TNRC6A: variants seen among roughly 807,000 people sequenced by gnomAD.
The protein encoded by TNRC6A is trinucleotide repeat-containing gene 6A protein.
In TNRC6A, 44 loss-of-function variants were observed where a neutral mutation model predicts 221.2. The ratio of observed to expected loss-of-function variants is 0.20; its 90% CI spans 0.16 to 0.26. The LOEUF is 0.26. Ranked by LOEUF, TNRC6A falls within the 10% of genes least tolerant of loss-of-function variation. The pLI is 1.00. For synonymous variants in TNRC6A, 847 were observed against 838.5 expected (o/e 1.01, Z -0.18); for missense variants, 2,199 against 2,404.4 (o/e 0.91, Z 1.79).
chr16:24,716,648 A>G (rs1319073432), intron 2 of TNRC6A, among the ~76,000 whole-genome samples: 1 of 152,032 alleles, frequency 6.6e-6, no homozygotes, highest in African/African-American at 2.4e-5. Context: ...TTGGGTGACA[A>G]AGTGAGACCG....
At chr16:24,758,047 G>T (rs2057288416) in intron 3 of TNRC6A, among the ~76,000 whole-genome samples, 1 of 152,122 alleles carries the variant, frequency 6.6e-6, no homozygotes, top group Non-Finnish European at 1.5e-5. Flanking sequence ...GAAAAGTGCA[G>T]CTCCCATTTA....
At chr16:24,778,159 G>A (rs2057765515) in intron 5 of TNRC6A, among the ~76,000 whole-genome samples, 1 of 152,176 alleles carries the variant, frequency 6.6e-6, no homozygotes, top group South Asian at 2.1e-4. Flanking sequence ...AGATAGACTA[G>A]GGCCTTACAT....
chr16:24,701,001 C>G (rs2055962803), intron 2 of TNRC6A, among the ~76,000 whole-genome samples: 1 of 152,206 alleles, frequency 6.6e-6, no homozygotes. Context: ...CTGAATTAAT[C>G]AAAGTATAAG....
chr16:24,684,976 C>T (rs750237750), intron 2 of TNRC6A, among the ~76,000 whole-genome samples: 13 of 152,160 alleles, frequency 8.5e-5, no homozygotes, highest in African/African-American at 2.9e-4. Flanking sequence ...CTGGTCCCTA[C>T]GGAATCCAGC....
At chr16:24,795,661 A>AT in intron 8 of TNRC6A, 1 of 400,442 alleles carries the variant, frequency 2.5e-6, no homozygotes, top group Non-Finnish European at 4.4e-6. Context: ...ATTTGGCTGA[A>AT]TTTGCCTATT....
At chr16:24,747,630 T>C (rs182732605) in intron 2 of TNRC6A, among the ~76,000 whole-genome samples, 1 of 150,522 alleles carries the variant, frequency 6.6e-6, no homozygotes, top group East Asian at 1.9e-4. Context: ...TGGGCACAGG[T>C]GTTGTTGTTG....
chr16:24,814,693 A>G (rs1040056670), intron 18 of TNRC6A, among the ~76,000 whole-genome samples: 2 of 152,112 alleles, frequency 1.3e-5, no homozygotes, highest in African/African-American at 4.8e-5. Context: ...GATTACAGGC[A>G]TGAGCCACCA....
upstream of TNRC6A, among the ~76,000 whole-genome samples, chr16:24,727,007 A>C (rs554978414): frequency 1.4e-4 from 21 of 150,850 alleles, no homozygotes; most frequent in South Asian, 3.8e-3. Context: ...CTGTCAACAA[A>C]CCTTCTGGAA....
intron 1 of TNRC6A, among the ~76,000 whole-genome samples, chr16:24,624,523 G>A (rs60562273): frequency 2.0e-5 from 3 of 152,276 alleles, no homozygotes; most frequent in South Asian, 2.1e-4. Context: ...CTGTTGCCCA[G>A]GCTGGAATGC....
At chr16:24,650,358 A>G (rs1902569921) in intron 2 of TNRC6A, among the ~76,000 whole-genome samples, 1 of 152,216 alleles carries the variant, frequency 6.6e-6, no homozygotes, top group South Asian at 2.1e-4. Flanking sequence ...ACAATGTTGT[A>G]TCAATGCACA....
chr16:24,745,105 C>T (rs1247619426), intron 2 of TNRC6A, among the ~76,000 whole-genome samples: 1 of 152,170 alleles, frequency 6.6e-6, no homozygotes, highest in African/African-American at 2.4e-5. Context: ...CCCTTCAATA[C>T]GATGACCCCT....
At chr16:24,625,453 A>T (rs1053798301) in intron 1 of TNRC6A, among the ~76,000 whole-genome samples, 6 of 152,184 alleles carry the variant, frequency 3.9e-5, no homozygotes, top group African/African-American at 1.4e-4. Flanking sequence ...CTCTACTAAA[A>T]GTATAAAAAT....
At chr16:24,730,099 G>A (rs1462752265) in intron 1 of TNRC6A, among the ~76,000 whole-genome samples, 154 bp from the exon 2 acceptor site, 1 of 150,378 alleles carries the variant, frequency 6.6e-6, no homozygotes, top group Non-Finnish European at 1.5e-5. Flanking sequence ...CCGGGCTGCA[G>A]CCCCGCAGCT....
chr16:24,795,730 C>G (rs1270967238), intron 8 of TNRC6A, 177 bp from the exon 9 acceptor site: 1 of 509,442 alleles, frequency 2.0e-6, no homozygotes, highest in Non-Finnish European at 3.5e-6. Flanking sequence ...ATTTGATCCT[C>G]ACAACCATCT....
intron 5 of TNRC6A, among the ~76,000 whole-genome samples, chr16:24,781,758 A>G (rs552957822): frequency 6.6e-6 from 1 of 151,660 alleles, no homozygotes; most frequent in African/African-American, 2.4e-5. Flanking sequence ...CCTTGAAATC[A>G]TGCTTTACTC....
chr16:24,777,223 G>A lies in TNRC6A; in HGVS notation c.454G>A (p.Gly152Ser). 1 of 1,614,100 alleles carries A rather than the reference G, an allele frequency of 6.2e-7. No individual in the cohort carries two copies. Among genetic ancestry groups the A allele is most frequent in the Non-Finnish European group, 8.5e-7 (1 of 1,180,018 alleles). Residue 152 changes from glycine (G) to serine (S), a missense_variant, in exon 5 of 25, where the codon GGT becomes AGT. Coordinates refer to ENST00000395799, the MANE Select transcript of TNRC6A (RefSeq NM_014494.4). ...HQEHKQLLKR[G>S]QHFPVIAANL... ...GGAACACAAACAGCTTCTAAAGAGGGGTCAGCATTTTCCTGTTATAGCAGC... is the reference window on the plus strand; with the variant it reads ...GGAACACAAACAGCTTCTAAAGAGGAGTCAGCATTTTCCTGTTATAGCAGC...
At chr16:24,747,624 C>T (rs111787745) in intron 2 of TNRC6A, among the ~76,000 whole-genome samples, 1 of 152,020 alleles carries the variant, frequency 6.6e-6, no homozygotes. Context: ...CGTGTTTGGG[C>T]ACAGGTGTTG....
chr16:24,734,540 G>T (rs2151205885), intron 2 of TNRC6A, among the ~76,000 whole-genome samples: 1 of 152,286 alleles, frequency 6.6e-6, no homozygotes, highest in South Asian at 2.1e-4. Flanking sequence ...CCAGCATTCT[G>T]ACTTCTTCAT....
intron 2 of TNRC6A, among the ~76,000 whole-genome samples, chr16:24,704,287 G>A (rs2056048342): frequency 6.6e-6 from 1 of 151,834 alleles, no homozygotes; most frequent in South Asian, 2.1e-4. Flanking sequence ...AGACTGGTGG[G>A]GGGCGGGAGG....
Sources: allele counts gnomAD v4.1 joint callset (sites outside exome capture counted in the v4.1 genomes callset), GRCh38; gene constraint gnomAD v4.1.1; transcripts MANE v1.5; gene names NCBI Gene and HGNC (gene_info 2026-07-23, HGNC 2026-07-21).